Variants in OSBP2 observed in about 807,000 individuals in gnomAD.
OSBP2 encodes the protein oxysterol-binding protein 2.
Under a neutral mutation model 96.0 loss-of-function variants are expected in OSBP2, and 66 were observed. The observed-to-expected ratio is 0.69, with a 90% CI of 0.56 to 0.84. The LOEUF (loss-of-function observed/expected upper bound fraction) is 0.84, where lower values mean the gene tolerates loss of function less well. Among genes scored for constraint, OSBP2 ranks in the 40% least tolerant of loss-of-function variants. The pLI, the probability that OSBP2 is intolerant of heterozygous loss-of-function variation, is 0.00. For synonymous variants in OSBP2, 525 were observed against 520.9 expected (o/e 1.01, Z -0.11); for missense variants, 1,038 against 1,222.7 (o/e 0.85, Z 2.25).
intron 2 of OSBP2, among the ~76,000 whole-genome samples, chr22:30,815,873 C>T (rs1350817531): frequency 1.3e-5 from 2 of 152,144 alleles, no homozygotes; most frequent in African/African-American, 4.8e-5. Flanking sequence ...TTGAGTTTCC[C>T]ATTTGTGCTA....
chr22:30,792,992 A>T (rs2090698819), intron 2 of OSBP2, among the ~76,000 whole-genome samples: 1 of 152,256 alleles, frequency 6.6e-6, no homozygotes, highest in African/African-American at 2.4e-5. Context: ...TTAATCCAAG[A>T]CTATCTGATT....
intron 2 of OSBP2, among the ~76,000 whole-genome samples, chr22:30,780,203 C>T (rs1022966727): frequency 7.9e-5 from 12 of 152,248 alleles, no homozygotes; most frequent in African/African-American, 2.7e-4. Flanking sequence ...CGAGTTGCCT[C>T]GTACCATTTC....
intron 1 of OSBP2, among the ~76,000 whole-genome samples, chr22:30,702,858 A>T (rs935952496): frequency 6.6e-6 from 1 of 152,186 alleles, no homozygotes; most frequent in African/African-American, 2.4e-5. Context: ...TAGAGCCTGG[A>T]GTAGTACTTG....
chr22:30,884,322 C>T (rs1031025237), intron 3 of OSBP2, among the ~76,000 whole-genome samples: 1 of 152,156 alleles, frequency 6.6e-6, no homozygotes. Context: ...GCCGGATGAG[C>T]GGAGACAGGG....
chr22:30,698,565 A>G (rs556145043), intron 1 of OSBP2, among the ~76,000 whole-genome samples: 68 of 151,526 alleles, frequency 4.5e-4, no homozygotes, highest in African/African-American at 1.6e-3. Flanking sequence ...CAGCCTCCCG[A>G]GTAGCTGGAA....
chr22:30,835,054 A>G (rs1441630776), intron 2 of OSBP2, among the ~76,000 whole-genome samples: 1 of 152,106 alleles, frequency 6.6e-6, no homozygotes, highest in African/African-American at 2.4e-5. Flanking sequence ...ACCTCAGGTG[A>G]TCTGCCCACC....
At chr22:30,858,127 T>TTTTG (rs571615164) in intron 2 of OSBP2, among the ~76,000 whole-genome samples, 83 of 131,828 alleles carry the variant, frequency 6.3e-4, no homozygotes, top group East Asian at 9.1e-4. Context: ...TTTGTTTTTT[T>TTTTG]TTTGTTTGTT....
chr22:30,885,148 G>A (rs2039783448), intron 3 of OSBP2, among the ~76,000 whole-genome samples: 1 of 152,204 alleles, frequency 6.6e-6, no homozygotes, highest in Admixed American at 6.5e-5. Flanking sequence ...GAGGACTGGT[G>A]TGCCCATCTT....
intron 2 of OSBP2, chr22:30,822,445 G>T: frequency 8.7e-7 from 1 of 1,155,204 alleles, no homozygotes; most frequent in Non-Finnish European, 1.1e-6. Flanking sequence ...GGCGCGGACG[G>T]GGTTAACGCG....
chr22:30,821,847 C>G (rs1162337066), intron 2 of OSBP2, among the ~76,000 whole-genome samples: 1 of 152,224 alleles, frequency 6.6e-6, no homozygotes, highest in African/African-American at 2.4e-5. Flanking sequence ...TTATTAGAAA[C>G]AGCTCCTTTA....
chr22:30,898,896 AAATC>A (rs1329933919), intron 12 of OSBP2, among the ~76,000 whole-genome samples: 2 of 150,862 alleles, frequency 1.3e-5, no homozygotes, highest in Non-Finnish European at 3.0e-5. Context: ...ATAAAAGCAG[AAATC>A]AATTAAAAAA....
chr22:30,824,673 C>G (rs1490404116), intron 2 of OSBP2, among the ~76,000 whole-genome samples: 1 of 152,128 alleles, frequency 6.6e-6, no homozygotes, highest in East Asian at 1.9e-4. Context: ...TTATACACGT[C>G]AAAGGGTATT....
intron 1 of OSBP2, among the ~76,000 whole-genome samples, chr22:30,704,430 G>C (rs1203760087): frequency 6.6e-6 from 1 of 152,106 alleles, no homozygotes; most frequent in African/African-American, 2.4e-5. Flanking sequence ...TAGAGACTCA[G>C]AGCCCAGGGT....
At position 30,870,976 on chromosome 22, in the gene OSBP2, C is replaced by T. The variant is rs1290417622; in HGVS notation, c.1107+294C>T. The stretch of plus-strand genomic sequence containing the variant: ...ATGCCTCGATAAGGAAGGTCGGGGC[C>T]CCAAGTTAAGTAGCTAGCCCAGCAG... On this transcript the variant is annotated intron_variant, in intron 3 of 13. Coordinates refer to ENST00000332585, the MANE Select transcript of OSBP2 (RefSeq NM_030758.4). The surrounding 1 kb of genome is among the most constrained non-coding windows in gnomAD (Gnocchi z 4.1). Among the ~76,000 whole-genome samples, 1 of 152,094 alleles carries T rather than the reference C, an allele frequency of 6.6e-6. No individual in the cohort carries two copies. Among genetic ancestry groups the T allele is most frequent in the Non-Finnish European group, 1.5e-5 (1 of 68,012 alleles).
intron 2 of OSBP2, among the ~76,000 whole-genome samples, chr22:30,846,328 G>A (rs2038870073): frequency 6.6e-6 from 1 of 151,924 alleles, no homozygotes; most frequent in Non-Finnish European, 1.5e-5. Context: ...TGTATTTTTA[G>A]TAGAGACAGG....
intron 1 of OSBP2, among the ~76,000 whole-genome samples, chr22:30,740,131 C>A (rs1369612791): frequency 6.6e-6 from 1 of 152,142 alleles, no homozygotes; most frequent in Non-Finnish European, 1.5e-5. Flanking sequence ...AGGTGTGAGC[C>A]ACCGCGCCTG....
intron 2 of OSBP2, among the ~76,000 whole-genome samples, chr22:30,859,789 A>AGACT (rs774643808): frequency 8.7e-4 from 133 of 152,376 alleles, no homozygotes; most frequent in Non-Finnish European, 1.5e-3. Context: ...GACAAAGGCT[A>AGACT]GACTTCAATG....
At chr22:30,781,213 C>T (rs2090514941) in intron 2 of OSBP2, among the ~76,000 whole-genome samples, 1 of 151,024 alleles carries the variant, frequency 6.6e-6, no homozygotes, top group Non-Finnish European at 1.5e-5. Flanking sequence ...AACTCCTGAC[C>T]TCAGGTGATC....
chr22:30,889,324 G>T lies in OSBP2; in HGVS notation c.1476+90G>T, dbSNP rs2039890714. The T allele has an allele frequency of 4.1e-6, 6 of 1,456,196 alleles. No individual in the cohort carries two copies. In the Admixed American group the frequency reaches 9.2e-5, roughly 22 times the overall value. The allele number at this position is 1,456,196 out of a possible 1,614,324, so 90.2% of individuals were successfully genotyped here. A position where few individuals can be genotyped will look rare whatever the true frequency, so the allele number is the denominator to read the frequency against. On this transcript the variant is annotated intron_variant, in intron 6 of 13. Transcript: ENST00000332585. ...GGCCAGCACCAAGAACTGGGGGCCAGCAGGCAGGCCCATGCCCCAGTCCAG... is the reference window on the plus strand; with the variant it reads ...GGCCAGCACCAAGAACTGGGGGCCATCAGGCAGGCCCATGCCCCAGTCCAG...
Sources: gnomAD v4.1 joint callset for allele counts (sites outside exome capture counted in the v4.1 genomes callset) on GRCh38, gnomAD v4.1.1 for gene constraint, Gnocchi (gnomAD v3.1) non-coding constraint, MANE v1.5 for transcripts, NCBI Gene and HGNC (gene_info 2026-07-23, HGNC 2026-07-21) for gene names.